The following FBXO33 variants were observed in gnomAD, a reference collection of about 807,000 sequenced individuals.
FBXO33 encodes the protein F-box protein 33.
A neutral mutation model predicts 46.3 loss-of-function variants in FBXO33; 22 were observed. The ratio of observed to expected loss-of-function variants is 0.48; its 90% CI spans 0.34 to 0.68. The LOEUF is 0.68. Among genes scored for constraint, FBXO33 ranks in the 30% least tolerant of loss-of-function variants. The pLI, the probability that FBXO33 is intolerant of heterozygous loss-of-function variation, is 0.01. For missense variants in FBXO33, 692 were observed against 708.8 expected (o/e 0.98, Z 0.27); for synonymous variants, 337 against 291.3 (o/e 1.16, Z -1.60).
chr14:39,429,300 CCT>C (rs2075531589), intron 1 of FBXO33, among the ~76,000 whole-genome samples: 1 of 152,148 alleles, frequency 6.6e-6, no homozygotes, highest in Non-Finnish European at 1.5e-5. Flanking sequence ...ATTCACACCC[CCT>C]CTTTTCTACT....
chr14:39,402,980 T>C (rs1260328340), intron 1 of FBXO33, among the ~76,000 whole-genome samples: 1 of 152,214 alleles, frequency 6.6e-6, no homozygotes, highest in East Asian at 1.9e-4. Flanking sequence ...GAACTAAATT[T>C]ATAATGACCA....
At chr14:39,431,518 A>G in intron 1 of FBXO33, 46 bp downstream of exon 1, 1 of 1,603,270 alleles carries the variant, frequency 6.2e-7, no homozygotes, top group South Asian at 1.1e-5. Flanking sequence ...GCGGGGACGG[A>G]GCGACCCCCC....
chr14:39,404,371 A>G (rs567424700), intron 1 of FBXO33, among the ~76,000 whole-genome samples: 2 of 152,100 alleles, frequency 1.3e-5, no homozygotes, highest in East Asian at 1.9e-4. Flanking sequence ...CTGTCGCCCA[A>G]GCTGGAGTGC....
At chr14:39,424,057 G>C (rs1008923618) in intron 1 of FBXO33, among the ~76,000 whole-genome samples, 1 of 152,130 alleles carries the variant, frequency 6.6e-6, no homozygotes, top group African/African-American at 2.4e-5. Context: ...TGCGGTATTT[G>C]GTTTTCCGTT....
intron 1 of FBXO33, among the ~76,000 whole-genome samples, chr14:39,414,460 T>C (rs756942089): frequency 6.6e-6 from 1 of 152,348 alleles, no homozygotes; most frequent in East Asian, 1.9e-4. Flanking sequence ...CCACTTATAC[T>C]TTCTTTCAAA....
intron 1 of FBXO33, among the ~76,000 whole-genome samples, chr14:39,428,101 G>C (rs1480015984): frequency 6.6e-6 from 1 of 152,184 alleles, no homozygotes; most frequent in African/African-American, 2.4e-5. Context: ...ACACAGTCAT[G>C]AAATGGTCAA....
At chr14:39,420,690 C>CA (rs375081401) in intron 1 of FBXO33, among the ~76,000 whole-genome samples, 53 of 139,560 alleles carry the variant, frequency 3.8e-4, no homozygotes, top group African/African-American at 9.3e-4. Flanking sequence ...AACTCTGTCT[C>CA]AAAAAAAAAA....
At chr14:39,403,212 CAGTT>C (rs2075377003) in intron 1 of FBXO33, among the ~76,000 whole-genome samples, 1 of 152,204 alleles carries the variant, frequency 6.6e-6, no homozygotes, top group Admixed American at 6.5e-5. Context: ...GATATCTACT[CAGTT>C]AAGAAATATT....
intron 1 of FBXO33, among the ~76,000 whole-genome samples, chr14:39,419,187 G>A (rs2075466641): frequency 6.6e-6 from 1 of 152,192 alleles, no homozygotes. Flanking sequence ...TAACCCAGGT[G>A]TTTGAATACA....
intron 1 of FBXO33, among the ~76,000 whole-genome samples, chr14:39,404,905 T>C (rs1441442694): frequency 6.6e-6 from 1 of 151,630 alleles, no homozygotes; most frequent in Non-Finnish European, 1.5e-5. Context: ...TCCCAGCACT[T>C]TGGGAGGCTG....
At chr14:39,417,929 T>A (rs529991240) in intron 1 of FBXO33, among the ~76,000 whole-genome samples, 2 of 152,250 alleles carry the variant, frequency 1.3e-5, no homozygotes, top group Non-Finnish European at 2.9e-5. Context: ...TGTGAAAAAA[T>A]ACATGATATA....
chr14:39,397,743 A>ATAT lies in FBXO33; in HGVS notation c.*1770_*1772dup, dbSNP rs1353292987. The ATAT allele has an allele frequency of 2.0e-5, 3 of 152,700 alleles. No individual in the cohort carries two copies. The highest frequency in any genetic ancestry group is 7.2e-5 in the African/African-American group (3 of 41,474). The allele number at this position is 152,700 out of a possible 1,614,324, so 9.5% of individuals were successfully genotyped here. A position where few individuals can be genotyped will look rare whatever the true frequency, so the allele number is the denominator to read the frequency against. ...AGTCATGCTTCATATACAATAAAAT[A>ATAT]TATTACAATGATCATTTTTAATGCT... On this transcript the variant is annotated 3_prime_UTR_variant, in exon 4 of 4. Transcript: ENST00000298097.
intron 1 of FBXO33, among the ~76,000 whole-genome samples, chr14:39,427,282 G>C (rs2075520677): frequency 6.6e-6 from 1 of 152,104 alleles, no homozygotes; most frequent in Non-Finnish European, 1.5e-5. Context: ...CAGGAGGTTA[G>C]TTTCTTTAGC....
chr14:39,429,205 A>C (rs2075531225), intron 1 of FBXO33, among the ~76,000 whole-genome samples: 1 of 152,220 alleles, frequency 6.6e-6, no homozygotes, highest in Admixed American at 6.5e-5. Context: ...AACTGGAACA[A>C]AACAAAATAA....
chr14:39,400,651 C>T (rs1468538571), intron 3 of FBXO33, among the ~76,000 whole-genome samples: 4 of 151,792 alleles, frequency 2.6e-5, no homozygotes, highest in South Asian at 2.1e-4. Context: ...TACAAGTATC[C>T]GAAAAGGAAG....
chr14:39,403,366 G>A (rs950533033), intron 1 of FBXO33, among the ~76,000 whole-genome samples: 4 of 152,262 alleles, frequency 2.6e-5, no homozygotes, highest in South Asian at 4.1e-4. Context: ...AGACCAAGGC[G>A]GGGGGAATCG....
intron 1 of FBXO33, among the ~76,000 whole-genome samples, chr14:39,418,800 A>G (rs970629004): frequency 6.7e-6 from 1 of 148,190 alleles, no homozygotes; most frequent in South Asian, 2.1e-4. Flanking sequence ...CAAAAAAAAA[A>G]CAAACTGCAT....
In FBXO33 at chr14:39,432,002, C is replaced by A. The variant is rs1236726722; in HGVS notation, c.161G>T (p.Arg54Leu). Residue 54 changes from arginine to leucine, a missense_variant, in exon 1 of 4, where the codon CGG (arginine) becomes CTG (leucine). Physicochemically the swap from Arg to Leu is moderately radical, Grantham distance 102 (BLOSUM62 -2). Around this residue, in one of 3 missense-constraint regions of FBXO33, gnomAD observed 412 missense variants for 370.8 expected, o/e 1.11. Coordinates refer to ENST00000298097, the MANE Select transcript of FBXO33 (RefSeq NM_203301.4). ...GCACAGAGCCATCCGGCCCCGCCGCCGGCTGCCGGCTCCCGGCCGCCCCCG... is the reference window on the plus strand; with the variant it reads ...GCACAGAGCCATCCGGCCCCGCCGCAGGCTGCCGGCTCCCGGCCGCCCCCG... Reference protein sequence around the residue: ...VLRGRPGAGSRRRGRMALCGQ... With the variant: ...VLRGRPGAGSLRRGRMALCGQ... 4 of 1,422,030 alleles carry A rather than the reference C, an allele frequency of 2.8e-6. No individual in the cohort carries two copies. The highest frequency in any genetic ancestry group is 3.6e-6 in the Non-Finnish European group (4 of 1,100,352). 88.1% of individuals were successfully genotyped at this position (1,422,030 alleles called of 1,614,324 possible).
At chr14:39,411,278 G>T (rs1001695938) in intron 1 of FBXO33, among the ~76,000 whole-genome samples, 2 of 151,690 alleles carry the variant, frequency 1.3e-5, no homozygotes, top group Non-Finnish European at 2.9e-5. Flanking sequence ...TGTAGTAGTA[G>T]AGACAGGGTT....
Sources: allele counts gnomAD v4.1 joint callset (sites outside exome capture counted in the v4.1 genomes callset), GRCh38; gene constraint gnomAD v4.1.1; regional missense constraint gnomAD v4.1.1; transcripts MANE v1.5; gene names NCBI Gene and HGNC (gene_info 2026-07-23, HGNC 2026-07-21).